Variants in PTPRT observed in about 807,000 individuals in gnomAD.
PTPRT encodes protein tyrosine phosphatase receptor type T, also known as receptor-type tyrosine-protein phosphatase T.
Under a neutral mutation model 176.8 loss-of-function variants are expected in PTPRT, and 56 were observed. The ratio of observed to expected loss-of-function variants is 0.32; its 90% CI spans 0.26 to 0.40. PTPRT has a LOEUF of 0.40. PTPRT is among the 10% of genes least tolerant of loss of function. The probability of loss-of-function intolerance (pLI) is 1.00; values close to 1 mark genes in which losing one functional copy is unlikely to be tolerated. For synonymous variants in PTPRT, 783 were observed against 739.0 expected, an observed-to-expected ratio of 1.06 and a Z score of -0.96; for missense variants, 1,540 against 1,908.2, an observed-to-expected ratio of 0.81 and a Z score of 3.60.
intron 13 of PTPRT, among the ~76,000 whole-genome samples, chr20:42,261,787 G>A (rs992236526): frequency 3.3e-5 from 5 of 152,112 alleles, no homozygotes; most frequent in African/African-American, 1.2e-4. Context: ...AACCAACTCT[G>A]GCCAAATTGA....
intron 1 of PTPRT, among the ~76,000 whole-genome samples, chr20:42,917,807 G>A (rs919834319): frequency 6.6e-6 from 1 of 152,128 alleles, no homozygotes; most frequent in Non-Finnish European, 1.5e-5. Context: ...TTGAGGTGAG[G>A]GATGGAGATA....
At chr20:43,055,805 T>A (rs1181832765) in intron 1 of PTPRT, among the ~76,000 whole-genome samples, 5 of 152,134 alleles carry the variant, frequency 3.3e-5, no homozygotes, top group Admixed American at 3.3e-4. Context: ...ACAATAGCAG[T>A]TGTACTGTGT....
intron 9 of PTPRT, among the ~76,000 whole-genome samples, chr20:42,379,472 C>A (rs1328232216): frequency 6.6e-6 from 1 of 152,204 alleles, no homozygotes; most frequent in African/African-American, 2.4e-5. Flanking sequence ...CCTAGAACAA[C>A]CAGACTCAAA....
chr20:42,530,312 C>G (rs2072358399), intron 7 of PTPRT, among the ~76,000 whole-genome samples: 2 of 152,184 alleles, frequency 1.3e-5, no homozygotes, highest in Admixed American at 1.3e-4. Context: ...TCTAAGTCAC[C>G]CAGCGATTCA....
chr20:43,031,054 C>T (rs1986119847), intron 1 of PTPRT, among the ~76,000 whole-genome samples: 1 of 152,146 alleles, frequency 6.6e-6, no homozygotes. Context: ...ACCTAGGGAG[C>T]TCTAAACTTT....
At chr20:43,125,961 T>C (rs11086862) in intron 1 of PTPRT, among the ~76,000 whole-genome samples, 12,700 of 152,268 alleles carry the variant, frequency 0.083, 749 homozygotes, top group East Asian at 0.25. Context: ...GTAATTGATT[T>C]TAAAAGTGAA....
Position 42,642,385 on chromosome 20 carries a change from A to C in PTPRT, c.1153+35481T>G, listed in dbSNP as rs558561234. On this transcript the variant is annotated intron_variant, in intron 7 of 30. Coordinates refer to ENST00000373187, the MANE Select transcript of PTPRT (RefSeq NM_007050.6). ...TTGTGGGACGTTGACAGAGTTATGG[A>C]CCTCCCTGAGTCTCAGTGACTTATT... is the stretch of plus-strand genomic sequence containing the variant. 2.0e-5 allele frequency among the ~76,000 whole-genome samples: 3 copies of C among 152,166 alleles called. No individual in the cohort carries two copies. The South Asian group carries it at 6.2e-4, about 32-fold the overall frequency.
intron 7 of PTPRT, among the ~76,000 whole-genome samples, chr20:42,499,655 A>G (rs1568931312): frequency 1.3e-5 from 2 of 152,176 alleles, no homozygotes; most frequent in Non-Finnish European, 2.9e-5. Context: ...ATAGACTACT[A>G]TCTACATCTT....
At chr20:42,650,579 C>A (rs926480) in intron 7 of PTPRT, among the ~76,000 whole-genome samples, 12,917 of 152,150 alleles carry the variant, frequency 0.085, 616 homozygotes, top group South Asian at 0.15. Flanking sequence ...CAGTTACAGG[C>A]AGACACAGTC....
chr20:42,352,339 T>C, intron 9 of PTPRT, 54 bp from the exon 10 acceptor site: 1 of 1,580,806 alleles, frequency 6.3e-7, no homozygotes, highest in Non-Finnish European at 8.7e-7. Context: ...CTCAGGAAGC[T>C]GGATGGAGCT....
intron 11 of PTPRT, among the ~76,000 whole-genome samples, chr20:42,336,413 T>C (rs2058040260): frequency 6.6e-6 from 1 of 152,042 alleles, no homozygotes; most frequent in South Asian, 2.1e-4. Context: ...CATTTGCCTC[T>C]GAGGCACAGG....
intron 16 of PTPRT, among the ~76,000 whole-genome samples, chr20:42,196,953 T>C (rs112929283): frequency 5.9e-5 from 9 of 152,286 alleles, no homozygotes; most frequent in African/African-American, 2.2e-4. Flanking sequence ...ATTAATAGGA[T>C]GTAAAGGGAA....
intron 16 of PTPRT, among the ~76,000 whole-genome samples, chr20:42,165,661 T>C (rs1323091864): frequency 6.6e-6 from 1 of 152,252 alleles, no homozygotes; most frequent in East Asian, 1.9e-4. Flanking sequence ...GCGTCTGAAA[T>C]GTGGCTGATG....
chr20:42,634,018 AT>A (rs2074512000), intron 7 of PTPRT, among the ~76,000 whole-genome samples: 1 of 27,492 alleles, frequency 3.6e-5, no homozygotes, highest in South Asian at 7.4e-4. Context: ...TATAATATAT[AT>A]ATAATATATA....
At chr20:42,224,084 C>A (rs1057337482) in intron 15 of PTPRT, among the ~76,000 whole-genome samples, 1 of 152,146 alleles carries the variant, frequency 6.6e-6, no homozygotes, top group African/African-American at 2.4e-5. Flanking sequence ...TGGTTCAAAG[C>A]CCTTAGAATA....
intron 2 of PTPRT, among the ~76,000 whole-genome samples, chr20:42,826,536 G>A (rs6103059): frequency 6.6e-6 from 1 of 152,312 alleles, no homozygotes; most frequent in East Asian, 1.9e-4. Flanking sequence ...GAAAAGTGCA[G>A]GTAGAAAACA....
At chr20:42,846,058 T>C (rs955403480) in intron 2 of PTPRT, among the ~76,000 whole-genome samples, 2 of 152,072 alleles carry the variant, frequency 1.3e-5, no homozygotes, top group Non-Finnish European at 2.9e-5. Flanking sequence ...CTCAAAACCT[T>C]ACCACCATCA....
intron 7 of PTPRT, among the ~76,000 whole-genome samples, chr20:42,650,139 T>A (rs2075003305): frequency 6.6e-6 from 1 of 152,204 alleles, no homozygotes; most frequent in Non-Finnish European, 1.5e-5. Flanking sequence ...TACAAACAGA[T>A]ATTGGTTAGC....
chr20:42,993,516 G>A (rs372761905), intron 1 of PTPRT, among the ~76,000 whole-genome samples: 2 of 79,658 alleles, frequency 2.5e-5, no homozygotes, highest in African/African-American at 6.3e-5. Context: ...ATATGTGTGT[G>A]TATATATATA....
Sources: allele counts gnomAD v4.1 joint callset (sites outside exome capture counted in the v4.1 genomes callset), GRCh38; gene constraint gnomAD v4.1.1; transcripts MANE v1.5; gene names NCBI Gene and HGNC (gene_info 2026-07-23, HGNC 2026-07-21).